Variants in ARHGEF7 observed in about 807,000 individuals in gnomAD.
The protein encoded by ARHGEF7 is PAK-interacting exchange factor beta.
Under a neutral mutation model 109.8 loss-of-function variants are expected in ARHGEF7, and 33 were observed. The ratio of observed to expected loss-of-function variants is 0.30; its 90% CI spans 0.23 to 0.40. The LOEUF (loss-of-function observed/expected upper bound fraction) is 0.40. Among genes scored for constraint, ARHGEF7 ranks in the 10% least tolerant of loss-of-function variants. The probability of loss-of-function intolerance (pLI) is 1.00; values close to 1 mark genes in which losing one functional copy is unlikely to be tolerated. For missense variants in ARHGEF7, 938 were observed against 1,098.5 expected (o/e 0.85, Z 2.07); for synonymous variants, 458 against 424.6 (o/e 1.08, Z -0.97).
chr13:111,280,893 C>T (rs1041386502), intron 15 of ARHGEF7: 3 of 517,030 alleles, frequency 5.8e-6, no homozygotes, highest in Non-Finnish European at 6.6e-6. Context: ...TGAATTGTGC[C>T]TCCTCACGCA....
rs181397943 is a variant in ARHGEF7, at chr13:111,231,147, C to T, written c.671-2058C>T. On this transcript the variant is annotated intron_variant, in intron 5 of 21. Coordinates refer to ENST00000646102, the MANE Select transcript of ARHGEF7 (RefSeq NM_001354046.2). ...TGGCTGTGATTGAGGTGTGGACAGT[C>T]TCCCCTGCAATGTTGTTTTCTATCC... Among the ~76,000 whole-genome samples, 276 of 152,302 alleles carry T rather than the reference C, an allele frequency of 1.8e-3. 1 individual carries two copies. The highest frequency in any genetic ancestry group is 6.3e-3 in the African/African-American group (262 of 41,558).
intron 8 of ARHGEF7, among the ~76,000 whole-genome samples, chr13:111,247,147 A>C (rs774749860): frequency 7.2e-5 from 11 of 152,128 alleles, no homozygotes; most frequent in South Asian, 2.1e-4. Context: ...TTTATTATGA[A>C]TATTCTGAAA....
In ARHGEF7 at chr13:111,145,346, T is replaced by C. The variant is rs2075535996; in HGVS notation, c.166-8559T>C. ...GAACAGAGGTGGTTTATGAGACGAT[T>C]TATGAAGTGAGGGCAGGAAGAAGGA... is the stretch of plus-strand genomic sequence containing the variant. On this transcript the variant is annotated intron_variant, in intron 1 of 21. Transcript: ENST00000646102. The surrounding 1 kb of genome is among the most constrained non-coding windows in gnomAD (Gnocchi z 4.3). Among the ~76,000 whole-genome samples the C allele has an allele frequency of 6.6e-6, 1 of 152,046 alleles. No individual in the cohort carries two copies. The highest frequency in any genetic ancestry group is 1.5e-5 in the Non-Finnish European group (1 of 67,998).
rs578228346 is a variant in ARHGEF7 at position 111,275,982 on chromosome 13, A to T, written c.1419+304A>T. 10 of 359,434 alleles carry T rather than the reference A, an allele frequency of 2.8e-5. No homozygotes were observed. The East Asian group carries it at 6.5e-4, about 23-fold the overall frequency. The allele number at this position is 359,434 out of a possible 1,614,324, so 22.3% of individuals were successfully genotyped here. On this transcript the variant is annotated intron_variant, in intron 12 of 21. Coordinates refer to ENST00000646102, the MANE Select transcript of ARHGEF7 (RefSeq NM_001354046.2). ...GCAGGAGTCCTGTGCACACATCCGC[A>T]TGGAGCTGTATGCGCTTATCTGGCC...
intron 2 of ARHGEF7, among the ~76,000 whole-genome samples, chr13:111,177,328 G>T (rs778764417): frequency 2.0e-5 from 3 of 152,198 alleles, no homozygotes; most frequent in African/African-American, 7.2e-5. Context: ...TTGTGTTATC[G>T]TCCTTTTGTC....
chr13:111,176,951 T>C (rs1436470059), intron 2 of ARHGEF7, among the ~76,000 whole-genome samples: 1 of 152,220 alleles, frequency 6.6e-6, no homozygotes, highest in Non-Finnish European at 1.5e-5. Flanking sequence ...GAGACGGGGC[T>C]TCACCATGTT....
intron 2 of ARHGEF7, among the ~76,000 whole-genome samples, chr13:111,184,238 G>A (rs2079037452): frequency 6.6e-6 from 1 of 152,100 alleles, no homozygotes; most frequent in Non-Finnish European, 1.5e-5. Context: ...AGTTCCCTGA[G>A]GCCTCCCCAG....
At chr13:111,260,833 A>T (rs1243709179) in intron 8 of ARHGEF7, among the ~76,000 whole-genome samples, 1 of 152,256 alleles carries the variant, frequency 6.6e-6, no homozygotes, top group African/African-American at 2.4e-5. Flanking sequence ...CAAAAAGTTA[A>T]AAAGCACAAG....
At chr13:111,146,558 A>G (rs985776966) in intron 1 of ARHGEF7, among the ~76,000 whole-genome samples, 2 of 152,234 alleles carry the variant, frequency 1.3e-5, no homozygotes, top group African/African-American at 4.8e-5. Context: ...TACTTCTCAG[A>G]TGTGACTATT....
At chr13:111,172,704 G>A (rs536672037) in intron 2 of ARHGEF7, among the ~76,000 whole-genome samples, 1 of 152,360 alleles carries the variant, frequency 6.6e-6, no homozygotes, top group South Asian at 2.1e-4. Context: ...TCCTGGTGCT[G>A]TAAACCAAGG....
At chr13:111,205,002 A>T (rs9588381) in intron 2 of ARHGEF7, among the ~76,000 whole-genome samples, 6 of 151,496 alleles carry the variant, frequency 4.0e-5, no homozygotes, top group Non-Finnish European at 8.8e-5. Context: ...CCACCCCCCC[A>T]CCCCGCCCCG....
chr13:111,249,997 T>G (rs1266657457), intron 8 of ARHGEF7, among the ~76,000 whole-genome samples: 3 of 152,246 alleles, frequency 2.0e-5, no homozygotes, highest in Non-Finnish European at 4.4e-5. Context: ...AGGCAGTTAC[T>G]TTCTATATGT....
At chr13:111,163,769 A>C (rs2076921844) in intron 2 of ARHGEF7, among the ~76,000 whole-genome samples, 1 of 152,126 alleles carries the variant, frequency 6.6e-6, no homozygotes, top group Admixed American at 6.5e-5. Flanking sequence ...TCCTGGGCTC[A>C]AGCAGTCTTC....
chr13:111,175,268 T>C (rs1370173023), intron 2 of ARHGEF7, among the ~76,000 whole-genome samples: 2 of 152,204 alleles, frequency 1.3e-5, no homozygotes, highest in African/African-American at 4.8e-5. Flanking sequence ...CCCACACTTG[T>C]ATGGTTCAGA....
intron 2 of ARHGEF7, among the ~76,000 whole-genome samples, chr13:111,199,822 C>G (rs1307228723): frequency 1.3e-5 from 2 of 152,182 alleles, no homozygotes; most frequent in Non-Finnish European, 2.9e-5. Flanking sequence ...TGCCCAGGAA[C>G]AATCAGCCTG....
intron 2 of ARHGEF7, among the ~76,000 whole-genome samples, chr13:111,180,300 C>T (rs905241876): frequency 4.6e-5 from 7 of 152,148 alleles, no homozygotes; most frequent in Non-Finnish European, 7.4e-5. Flanking sequence ...CTTTTCATTA[C>T]CAAGCAAAAA....
At chr13:111,236,833 C>T (rs1446296055) in intron 6 of ARHGEF7, among the ~76,000 whole-genome samples, 1 of 152,104 alleles carries the variant, frequency 6.6e-6, no homozygotes, top group Non-Finnish European at 1.5e-5. Context: ...GGCTGGGTGG[C>T]AAATGCCTGT....
At chr13:111,229,860 T>C (rs2085790330) in intron 5 of ARHGEF7, among the ~76,000 whole-genome samples, 1 of 152,216 alleles carries the variant, frequency 6.6e-6, no homozygotes, top group Non-Finnish European at 1.5e-5. Context: ...TGGTTTCTTC[T>C]AGGCTGTGCC....
At chr13:111,263,366 G>A (rs992556581) in intron 8 of ARHGEF7, among the ~76,000 whole-genome samples, 2 of 152,198 alleles carry the variant, frequency 1.3e-5, no homozygotes, top group Admixed American at 6.5e-5. Flanking sequence ...CACTCGTACC[G>A]TGAATTGTTC....
Sources: allele counts gnomAD v4.1 joint callset (sites outside exome capture counted in the v4.1 genomes callset), GRCh38; gene constraint gnomAD v4.1.1; non-coding constraint Gnocchi (gnomAD v3.1); transcripts MANE v1.5; gene names NCBI Gene and HGNC (gene_info 2026-07-23, HGNC 2026-07-21).